The following GRM8 variants were observed in gnomAD, a reference collection of about 807,000 sequenced individuals.
GRM8 encodes metabotropic glutamate receptor 8.
Under a neutral mutation model 87.2 loss-of-function variants are expected in GRM8, and 47 were observed. The observed-to-expected ratio is 0.54, with a 90% CI of 0.43 to 0.69. The LOEUF (loss-of-function observed/expected upper bound fraction) is 0.69. GRM8 is among the 30% of genes least tolerant of loss of function. The pLI, the probability that GRM8 is intolerant of heterozygous loss-of-function variation, is 0.00. For synonymous variants in GRM8, 396 were observed against 404.5 expected, an observed-to-expected ratio of 0.98 and a Z score of 0.25; for missense variants, 1,019 against 1,139.2, an observed-to-expected ratio of 0.89 and a Z score of 1.52.
chr7:126,485,341 G>C (rs569596290), intron 9 of GRM8, among the ~76,000 whole-genome samples: 2 of 149,312 alleles, frequency 1.3e-5, no homozygotes, highest in East Asian at 4.1e-4. Flanking sequence ...ATCATACATA[G>C]GCAGCAACAA....
chr7:126,974,957 A>C (rs993987938), intron 3 of GRM8, among the ~76,000 whole-genome samples: 1 of 150,062 alleles, frequency 6.7e-6, no homozygotes, highest in Admixed American at 6.6e-5. Context: ...AAAAAAAAAA[A>C]AAAAAAAAAA....
intron 3 of GRM8, among the ~76,000 whole-genome samples, chr7:127,071,224 A>G (rs943010062): frequency 2.0e-5 from 3 of 152,298 alleles, no homozygotes; most frequent in East Asian, 1.9e-4. Flanking sequence ...AAAATACCTA[A>G]AAAGCTCTGA....
chr7:126,580,920 T>G (rs1795549133), intron 8 of GRM8, among the ~76,000 whole-genome samples: 1 of 151,922 alleles, frequency 6.6e-6, no homozygotes, highest in Non-Finnish European at 1.5e-5. Flanking sequence ...CTGTCAGTCA[T>G]GAAGTATATT....
intron 8 of GRM8, among the ~76,000 whole-genome samples, chr7:126,567,618 T>A (rs1794341700): frequency 1.3e-5 from 2 of 152,164 alleles, no homozygotes; most frequent in Non-Finnish European, 2.9e-5. Context: ...AACAGTTTTT[T>A]AATTGTGTAT....
At chr7:126,922,342 T>C (rs1018828703) in intron 3 of GRM8, among the ~76,000 whole-genome samples, 10 of 152,156 alleles carry the variant, frequency 6.6e-5, no homozygotes, top group Non-Finnish European at 2.9e-5. Flanking sequence ...TGTGTGTTCA[T>C]ACGCACATCC....
chr7:126,440,154 C>G (rs1801293129), intron 10 of GRM8, among the ~76,000 whole-genome samples: 1 of 151,936 alleles, frequency 6.6e-6, no homozygotes, highest in Non-Finnish European at 1.5e-5. Context: ...AGACTCACGT[C>G]TGTAATCCCA....
intron 7 of GRM8, among the ~76,000 whole-genome samples, chr7:126,645,287 A>G (rs1265001896): frequency 2.0e-5 from 3 of 152,220 alleles, no homozygotes; most frequent in Non-Finnish European, 2.9e-5. Flanking sequence ...AATTGCTCCT[A>G]TAGATAACAT....
chr7:127,014,997 GAA>G (rs1747382900), intron 3 of GRM8, among the ~76,000 whole-genome samples: 1 of 114,778 alleles, frequency 8.7e-6, no homozygotes, highest in Admixed American at 1.1e-4. Flanking sequence ...GGAAGAAGAA[GAA>G]GAAAGAAGAA....
chr7:126,495,871 G>A (rs570600116), intron 9 of GRM8, among the ~76,000 whole-genome samples: 27 of 152,070 alleles, frequency 1.8e-4, no homozygotes, highest in Middle Eastern at 3.4e-3. Flanking sequence ...GGTGGCTAAC[G>A]AAAATATCCA....
intron 3 of GRM8, among the ~76,000 whole-genome samples, chr7:126,931,397 G>C (rs1805754970): frequency 6.6e-6 from 1 of 152,146 alleles, no homozygotes; most frequent in Admixed American, 6.6e-5. Flanking sequence ...TGCATGTTTA[G>C]TATAAATTAT....
intron 2 of GRM8, among the ~76,000 whole-genome samples, chr7:127,169,081 A>G (rs1052632669): frequency 1.6e-5 from 2 of 128,736 alleles, no homozygotes; most frequent in African/African-American, 3.5e-5. Context: ...TAAGCCAGGA[A>G]AAAAAAAAGC....
intron 7 of GRM8, among the ~76,000 whole-genome samples, chr7:126,747,867 G>A (rs934683385): frequency 4.0e-5 from 6 of 151,564 alleles, no homozygotes; most frequent in Admixed American, 2.0e-4. Context: ...ACACTACCTC[G>A]GTATTTATTA....
chr7:126,516,537 T>C (rs1812189926), intron 9 of GRM8, among the ~76,000 whole-genome samples: 1 of 152,122 alleles, frequency 6.6e-6, no homozygotes, highest in Non-Finnish European at 1.5e-5. Context: ...GAAAGAAGCA[T>C]GCTGCTATTG....
At chr7:127,198,214 T>C (rs928072079) in intron 2 of GRM8, among the ~76,000 whole-genome samples, 8 of 152,344 alleles carry the variant, frequency 5.3e-5, no homozygotes, top group Non-Finnish European at 4.4e-5. Flanking sequence ...GGGAACATTA[T>C]AAATTTTCTC....
At chr7:127,067,360 T>C (rs1821223096) in intron 3 of GRM8, among the ~76,000 whole-genome samples, 1 of 152,180 alleles carries the variant, frequency 6.6e-6, no homozygotes, top group Non-Finnish European at 1.5e-5. Context: ...AGGTGCCGTA[T>C]TCTTTTTTTA....
intron 2 of GRM8, among the ~76,000 whole-genome samples, chr7:127,165,443 T>A (rs776574079): frequency 6.6e-5 from 10 of 151,922 alleles, no homozygotes; most frequent in Non-Finnish European, 1.5e-4. Flanking sequence ...TAATCCAGAA[T>A]CCCAACCTGG....
chr7:126,656,535 C>T (rs1804547058), intron 7 of GRM8, among the ~76,000 whole-genome samples: 1 of 87,562 alleles, frequency 1.1e-5, no homozygotes, highest in Non-Finnish European at 2.1e-5. Context: ...GGTTTGGTGG[C>T]ACGTGCCTGT....
intron 2 of GRM8, among the ~76,000 whole-genome samples, chr7:127,216,184 T>C (rs1163378384): frequency 1.3e-5 from 2 of 152,116 alleles, no homozygotes; most frequent in Non-Finnish European, 2.9e-5. Context: ...TTGCCTTAAG[T>C]GCAAATTGAT....
chr7:127,086,204 G>A (rs372086260), intron 3 of GRM8, among the ~76,000 whole-genome samples: 18 of 152,210 alleles, frequency 1.2e-4, no homozygotes, highest in African/African-American at 3.1e-4. Context: ...GGGTTCAAGC[G>A]ATTCTTCTGC....
Sources: gnomAD v4.1 joint callset for allele counts (sites outside exome capture counted in the v4.1 genomes callset) on GRCh38, gnomAD v4.1.1 for gene constraint, MANE v1.5 for transcripts, NCBI Gene and HGNC (gene_info 2026-07-23, HGNC 2026-07-21) for gene names.